TRUB1: variants seen among roughly 807,000 people sequenced by gnomAD.
TRUB1 encodes the protein pseudouridylate synthase TRUB1.
A neutral mutation model predicts 33.9 loss-of-function variants in TRUB1; 23 were observed. That is an observed-to-expected ratio of 0.68 (90% confidence interval 0.49 to 0.96). The LOEUF is 0.96. Among genes scored for constraint, TRUB1 ranks in the 40% least tolerant of loss-of-function variants. The probability of loss-of-function intolerance (pLI) is 0.00; values close to 1 mark genes in which losing one functional copy is unlikely to be tolerated. For synonymous variants in TRUB1, 163 were observed against 165.4 expected (o/e 0.99, Z 0.11); for missense variants, 378 against 422.2 (o/e 0.90, Z 0.92).
intron 4 of TRUB1, among the ~76,000 whole-genome samples, chr10:114,965,469 T>C (rs1171677512): frequency 2.6e-5 from 4 of 152,212 alleles, no homozygotes; most frequent in Non-Finnish European, 5.9e-5. Context: ...GTTTTGCTAA[T>C]ATTTAGTTTA....
chr10:114,972,686 A>G (rs1044479724), intron 6 of TRUB1, among the ~76,000 whole-genome samples: 1 of 152,112 alleles, frequency 6.6e-6, no homozygotes, highest in Non-Finnish European at 1.5e-5. Flanking sequence ...TAATTTTCCA[A>G]TGAAAACAAA....
chr10:114,948,071 G>C (rs2084218634), intron 2 of TRUB1, among the ~76,000 whole-genome samples: 1 of 152,164 alleles, frequency 6.6e-6, no homozygotes, highest in Non-Finnish European at 1.5e-5. Context: ...GATAAGTTTG[G>C]AGATAGTTAT....
intron 2 of TRUB1, among the ~76,000 whole-genome samples, chr10:114,950,158 A>C (rs1384241759): frequency 6.6e-6 from 1 of 152,192 alleles, no homozygotes; most frequent in African/African-American, 2.4e-5. Context: ...TCAACCTCCC[A>C]AAATGCTGGG....
intron 3 of TRUB1, among the ~76,000 whole-genome samples, chr10:114,954,293 T>C (rs181957576): frequency 6.6e-6 from 1 of 152,270 alleles, no homozygotes; most frequent in East Asian, 1.9e-4. Flanking sequence ...CAGCCTTCTC[T>C]CCCTAGCCAG....
In TRUB1 at chr10:114,942,705, A is replaced by G. The variant is rs760576297; in HGVS notation, c.347A>G (p.His116Arg). The G allele has an allele frequency of 2.5e-6, 4 of 1,614,094 alleles. No individual in the cohort carries two copies. The highest frequency in any genetic ancestry group is 2.5e-6 in the Non-Finnish European group (3 of 1,179,960). The change falls in exon 2 of 8, where the codon CAT (histidine) becomes CGT (arginine). Residue 116 changes from histidine to arginine, a missense_variant. His to Arg is a conservative substitution (Grantham distance 29). Coordinates refer to ENST00000298746, the MANE Select transcript of TRUB1 (RefSeq NM_139169.5). The part of the protein sequence containing the change: ...KRKKQTLKIG[H>R]GGTLDSAARG... ...AAAAAGCAGACTTTGAAAATTGGGC[A>G]TGGAGGGACTCTAGACAGCGCAGCC...
At chr10:114,965,441 A>T (rs183644392) in intron 4 of TRUB1, among the ~76,000 whole-genome samples, 1,564 of 152,218 alleles carry the variant, frequency 0.01, 19 homozygotes, top group Middle Eastern at 0.058. Flanking sequence ...GTTATCCTTT[A>T]TATAAATTGT....
At position 114,950,988 on chromosome 10, in the gene TRUB1, CA is replaced by C. The variant is rs1309117095; in HGVS notation, c.386-105del. On this transcript the variant is annotated intron_variant, in intron 2 of 7. Transcript: ENST00000298746. ...ATTTTGCTAAATATCTGTTCTTTCCCACTTCACATTACCTAAGCTGGGAAAT... is the reference window on the plus strand; with the variant it reads ...ATTTTGCTAAATATCTGTTCTTTCCCCTTCACATTACCTAAGCTGGGAAAT... 3.4e-6 allele frequency: 3 copies of C among 886,014 alleles called. No homozygotes were observed. The African/African-American group carries it at 5.0e-5, about 15-fold the overall frequency. The allele number at this position is 886,014 out of a possible 1,614,324, so 54.9% of individuals were successfully genotyped here.
chr10:114,960,309 C>T (rs976108966), intron 4 of TRUB1, among the ~76,000 whole-genome samples: 7 of 152,078 alleles, frequency 4.6e-5, no homozygotes, highest in African/African-American at 1.7e-4. Context: ...TCACTGGGGC[C>T]CACCTTAAGT....
At chr10:114,973,014 T>C (rs927411568) in intron 6 of TRUB1, among the ~76,000 whole-genome samples, 1 of 152,138 alleles carries the variant, frequency 6.6e-6, no homozygotes, top group South Asian at 2.1e-4. Flanking sequence ...ACCCTTAGTT[T>C]CACAGTGCAC....
chr10:114,974,369 C>A lies in TRUB1; in HGVS notation c.777C>A (p.Val259=). The change falls in exon 7 of 8, where the codon GTC becomes GTA. Residue 259 remains valine (V), a synonymous_variant. Transcript: ENST00000298746. Reference sequence around the variant, plus strand: ...GAGGTTTTTATATCAGAAGCTTGGTCAGTGACATTGGAAAAGGTAAGCATA... The same window carrying A: ...GAGGTTTTTATATCAGAAGCTTGGTAAGTGACATTGGAAAAGGTAAGCATA... The part of the protein sequence containing the change: ...CGGGFYIRSL[V]SDIGKELSSC... 1 of 1,612,374 alleles carries A rather than the reference C, an allele frequency of 6.2e-7. No individual in the cohort carries two copies. Among genetic ancestry groups the A allele is most frequent in the South Asian group, 1.1e-5 (1 of 90,998 alleles).
chr10:114,976,373 AGCTTTCTG>A lies in TRUB1; in HGVS notation c.*995_*1002del, dbSNP rs2084360284. The A allele has an allele frequency of 6.6e-6, 1 of 152,192 alleles. No individual in the cohort carries two copies. The highest frequency in any genetic ancestry group is 2.4e-5 in the African/African-American group (1 of 41,462). 9.4% of individuals were successfully genotyped at this position (152,192 alleles called of 1,614,324 possible). A position where few individuals can be genotyped will look rare whatever the true frequency, so the allele number is the denominator to read the frequency against. The stretch of plus-strand genomic sequence containing the variant: ...TCTTCTCAAACATTTTCATTCAGAT[AGCTTTCTG>A]AAAGTTCCCTATCCCTCTTTACCAT... On this transcript the variant is annotated 3_prime_UTR_variant, in exon 8 of 8. Transcript: ENST00000298746.
chr10:114,966,077 C>T (rs975546772), intron 4 of TRUB1, among the ~76,000 whole-genome samples: 1 of 151,978 alleles, frequency 6.6e-6, no homozygotes, highest in African/African-American at 2.4e-5. Flanking sequence ...AATTAATATA[C>T]ATTCACCTAT....
At chr10:114,965,914 T>C (rs2084305870) in intron 4 of TRUB1, among the ~76,000 whole-genome samples, 1 of 152,160 alleles carries the variant, frequency 6.6e-6, no homozygotes, top group African/African-American at 2.4e-5. Flanking sequence ...TAACTTTTGC[T>C]AAATTACCCA....
chr10:114,959,213 A>G (rs894759751), intron 3 of TRUB1, among the ~76,000 whole-genome samples: 1 of 152,184 alleles, frequency 6.6e-6, no homozygotes, highest in Non-Finnish European at 1.5e-5. Context: ...CTCTTTTTCT[A>G]CAGATTTAGC....
chr10:114,963,902 G>T (rs1448922857), intron 4 of TRUB1, among the ~76,000 whole-genome samples: 1 of 151,926 alleles, frequency 6.6e-6, no homozygotes, highest in Admixed American at 6.6e-5. Context: ...TTTTATACCT[G>T]CCTTTTGGTA....
At chr10:114,947,679 T>C (rs758042999) in intron 2 of TRUB1, among the ~76,000 whole-genome samples, 8 of 152,266 alleles carry the variant, frequency 5.3e-5, no homozygotes, top group South Asian at 2.1e-4. Context: ...ACATTGTTCA[T>C]GTTGATAAGC....
intron 2 of TRUB1, among the ~76,000 whole-genome samples, chr10:114,943,914 A>G (rs963817675): frequency 1.3e-5 from 2 of 151,006 alleles, no homozygotes. Context: ...CTGGAGATGT[A>G]TTAGTTGACC....
intron 3 of TRUB1, 29 bp from the exon 4 acceptor site, chr10:114,959,697 C>T (rs2084276943): frequency 1.3e-6 from 2 of 1,495,668 alleles, no homozygotes; most frequent in South Asian, 2.3e-5. Flanking sequence ...CCTCACGGCC[C>T]ATTTTCTCTC....
intron 6 of TRUB1, among the ~76,000 whole-genome samples, chr10:114,973,147 G>C (rs1019664120): frequency 2.7e-5 from 4 of 150,730 alleles, no homozygotes; most frequent in African/African-American, 7.3e-5. Context: ...TGTACCATTA[G>C]AAAAAAAAAG....
Sources: gnomAD v4.1 joint callset for allele counts (sites outside exome capture counted in the v4.1 genomes callset) on GRCh38, gnomAD v4.1.1 for gene constraint, MANE v1.5 for transcripts, NCBI Gene and HGNC (gene_info 2026-07-23, HGNC 2026-07-21) for gene names.